The following ASCC3 variants were observed in gnomAD, a reference collection of about 807,000 sequenced individuals.
The protein encoded by ASCC3 is activating signal cointegrator 1 complex subunit 3.
ASCC3 carries 158 observed loss-of-function variants against 256.3 expected under a neutral mutation model. That is an observed-to-expected ratio of 0.62 (90% CI 0.54 to 0.70). The LOEUF (loss-of-function observed/expected upper bound fraction) is 0.70. Among genes scored for constraint, ASCC3 ranks in the 30% least tolerant of loss-of-function variants. The probability of loss-of-function intolerance (pLI) is 0.00; values close to 1 mark genes in which losing one functional copy is unlikely to be tolerated. For synonymous variants in ASCC3, 948 were observed against 883.4 expected (o/e 1.07, Z -1.30); for missense variants, 2,259 against 2,626.0 (o/e 0.86, Z 3.05).
chr6:100,858,769 A>C (rs1295226704), intron 3 of ASCC3: 1 of 885,536 alleles, frequency 1.1e-6, no homozygotes, highest in African/African-American at 1.8e-5. Context: ...ATCCTCTTAC[A>C]TAGCCACAAC....
At chr6:100,671,718 T>A (rs1257978929) in intron 14 of ASCC3, among the ~76,000 whole-genome samples, 1 of 152,042 alleles carries the variant, frequency 6.6e-6, no homozygotes, top group Non-Finnish European at 1.5e-5. Flanking sequence ...AGAACTTCTT[T>A]CCACGACTTT....
intron 36 of ASCC3, among the ~76,000 whole-genome samples, chr6:100,569,306 A>G (rs1431510891): frequency 6.6e-6 from 1 of 151,986 alleles, no homozygotes; most frequent in Non-Finnish European, 1.5e-5. Context: ...TGGTCTCTCT[A>G]TTCTGTTCCA....
At chr6:100,800,955 CAT>C (rs1193876195) in intron 5 of ASCC3, among the ~76,000 whole-genome samples, 3 of 151,886 alleles carry the variant, frequency 2.0e-5, no homozygotes, top group Non-Finnish European at 2.9e-5. Flanking sequence ...TTAAGTTGCA[CAT>C]ATGTTACTAC....
intron 1 of ASCC3, among the ~76,000 whole-genome samples, chr6:100,869,527 T>C (rs1773635257): frequency 6.6e-6 from 1 of 152,120 alleles, no homozygotes; most frequent in Non-Finnish European, 1.5e-5. Flanking sequence ...AAATATATAC[T>C]TGTTAAATTT....
intron 13 of ASCC3, among the ~76,000 whole-genome samples, chr6:100,704,006 T>C (rs950386945): frequency 6.6e-6 from 1 of 151,362 alleles, no homozygotes; most frequent in Non-Finnish European, 1.5e-5. Context: ...ACTTGTAATA[T>C]TAACTTAAAA....
intron 34 of ASCC3, among the ~76,000 whole-genome samples, chr6:100,592,578 A>G (rs1772060081): frequency 6.6e-6 from 1 of 152,068 alleles, no homozygotes; most frequent in Non-Finnish European, 1.5e-5. Flanking sequence ...GAGTTAATAT[A>G]TTTTGAATTT....
intron 11 of ASCC3, among the ~76,000 whole-genome samples, chr6:100,723,151 T>C (rs1779425278): frequency 6.6e-6 from 1 of 151,754 alleles, no homozygotes; most frequent in Non-Finnish European, 1.5e-5. Flanking sequence ...TTTTTAAGCA[T>C]CTTTTAAATA....
intron 3 of ASCC3, among the ~76,000 whole-genome samples, chr6:100,850,428 C>G (rs994114370): frequency 1.3e-5 from 2 of 152,100 alleles, no homozygotes; most frequent in Non-Finnish European, 2.9e-5. Flanking sequence ...GTACATTGTA[C>G]AAATACAATG....
intron 24 of ASCC3, among the ~76,000 whole-genome samples, chr6:100,642,014 G>A (rs555820897): frequency 3.4e-5 from 5 of 147,598 alleles, no homozygotes; most frequent in East Asian, 2.1e-4. Flanking sequence ...GGCCTGTTGC[G>A]GAGTGGGGGG....
intron 37 of ASCC3, among the ~76,000 whole-genome samples, chr6:100,529,643 A>T (rs1380061362): frequency 6.6e-6 from 1 of 152,226 alleles, no homozygotes; most frequent in East Asian, 1.9e-4. Context: ...AGAAATTTCT[A>T]TGAAGTTCTC....
At chr6:100,686,965 T>C (rs1028458042) in intron 13 of ASCC3, among the ~76,000 whole-genome samples, 2 of 151,866 alleles carry the variant, frequency 1.3e-5, no homozygotes, top group Admixed American at 1.3e-4. Context: ...ATTTTTACTT[T>C]TGGTATCTCT....
At chr6:100,662,309 C>G (rs374736373) in intron 15 of ASCC3, 36 bp downstream of exon 15, 8 of 1,600,614 alleles carry the variant, frequency 5.0e-6, no homozygotes, top group Non-Finnish European at 6.8e-6. Flanking sequence ...TTAAGACACA[C>G]ACAAAATCCA....
At chr6:100,847,825 T>C (rs767014474) in intron 4 of ASCC3, among the ~76,000 whole-genome samples, 23 of 152,162 alleles carry the variant, frequency 1.5e-4, no homozygotes, top group Non-Finnish European at 3.1e-4. Flanking sequence ...CTCTTAATCT[T>C]TCATGAAATA....
At chr6:100,698,479 C>G (rs1334011303) in intron 13 of ASCC3, among the ~76,000 whole-genome samples, 1 of 151,880 alleles carries the variant, frequency 6.6e-6, no homozygotes. Flanking sequence ...ATTTACTACT[C>G]AAGGGCTTAA....
chr6:100,697,176 C>T (rs1280313758), intron 13 of ASCC3, among the ~76,000 whole-genome samples: 1 of 151,900 alleles, frequency 6.6e-6, no homozygotes, highest in African/African-American at 2.4e-5. Flanking sequence ...GTAATATCTG[C>T]TTTTATGCAA....
intron 13 of ASCC3, among the ~76,000 whole-genome samples, chr6:100,687,033 C>CACACACACACACACA (rs1184457103): frequency 7.4e-6 from 1 of 135,914 alleles, no homozygotes; most frequent in Non-Finnish European, 1.5e-5. Flanking sequence ...CTCTCTCTCT[C>CACACACACACACACA]TCACACACAC....
chr6:100,569,917 T>A (rs1171493087), intron 36 of ASCC3, among the ~76,000 whole-genome samples: 1 of 152,206 alleles, frequency 6.6e-6, no homozygotes, highest in Non-Finnish European at 1.5e-5. Flanking sequence ...TCTATGAGTA[T>A]GGAATGTTTT....
intron 37 of ASCC3, among the ~76,000 whole-genome samples, chr6:100,527,195 A>G (rs1774617939): frequency 1.3e-5 from 2 of 152,200 alleles, no homozygotes; most frequent in Admixed American, 1.3e-4. Context: ...ATTAATGCTC[A>G]TAGTTCCTTG....
chr6:100,694,200 C>T (rs1329795892), intron 13 of ASCC3, among the ~76,000 whole-genome samples: 2 of 151,924 alleles, frequency 1.3e-5, no homozygotes, highest in Non-Finnish European at 2.9e-5. Context: ...AGGTAGGTGG[C>T]TCCTGCCTTT....
Sources: gnomAD v4.1 joint callset for allele counts (sites outside exome capture counted in the v4.1 genomes callset) on GRCh38, gnomAD v4.1.1 for gene constraint, MANE v1.5 for transcripts, NCBI Gene and HGNC (gene_info 2026-07-23, HGNC 2026-07-21) for gene names.